FAM114A1: variants seen among roughly 807,000 people sequenced by gnomAD.
FAM114A1 encodes protein NOXP20.
Under a neutral mutation model 64.3 loss-of-function variants are expected in FAM114A1, and 62 were observed. That is an observed-to-expected ratio of 0.96 (90% CI 0.79 to 1.19). The LOEUF is 1.19. FAM114A1 is among the 50% of genes most tolerant of loss of function. The pLI is 0.00. For synonymous variants in FAM114A1, 254 were observed against 251.1 expected, an observed-to-expected ratio of 1.01 and a Z score of -0.11; for missense variants, 645 against 676.3, an observed-to-expected ratio of 0.95 and a Z score of 0.51.
intron 7 of FAM114A1, among the ~76,000 whole-genome samples, chr4:38,914,154 A>G (rs1718818927): frequency 1.3e-5 from 2 of 152,118 alleles, no homozygotes; most frequent in Admixed American, 6.6e-5. Flanking sequence ...AGGCCAGCTT[A>G]TTTCTGCTTT....
At chr4:38,888,695 G>C (rs888062536) in intron 3 of FAM114A1, among the ~76,000 whole-genome samples, 1 of 152,206 alleles carries the variant, frequency 6.6e-6, no homozygotes, top group Admixed American at 6.5e-5. Flanking sequence ...AGCTGAGAGA[G>C]TTCTCATCTG....
chr4:38,910,685 G>A (rs1404405370), intron 7 of FAM114A1, among the ~76,000 whole-genome samples: 1 of 152,198 alleles, frequency 6.6e-6, no homozygotes, highest in African/African-American at 2.4e-5. Context: ...ATCCTTGAAG[G>A]AGATGAGAGC....
intron 4 of FAM114A1, among the ~76,000 whole-genome samples, chr4:38,901,287 GT>G (rs796954819): frequency 0.016 from 2,394 of 147,076 alleles, 80 homozygotes; most frequent in African/African-American, 0.055. Flanking sequence ...ATATTCTCTT[GT>G]TTTTTTTTTG....
chr4:38,932,214 G>A, intron 11 of FAM114A1, 21 bp from the exon 12 acceptor site: 1 of 1,574,792 alleles, frequency 6.4e-7, no homozygotes, highest in South Asian at 1.2e-5. Flanking sequence ...AAAATTTCTT[G>A]CTTGTGTCTA....
intron 8 of FAM114A1, among the ~76,000 whole-genome samples, chr4:38,920,213 A>G (rs1397737433): frequency 6.6e-6 from 1 of 152,134 alleles, no homozygotes; most frequent in Non-Finnish European, 1.5e-5. Flanking sequence ...CTCAAAAAAA[A>G]AAAAGAACAG....
At chr4:38,868,886 A>C (rs1713738759) in intron 2 of FAM114A1, among the ~76,000 whole-genome samples, 1 of 152,220 alleles carries the variant, frequency 6.6e-6, no homozygotes, top group Non-Finnish European at 1.5e-5. Context: ...AGCTTGGGAA[A>C]GAATCTGATA....
chr4:38,931,335 C>G, intron 10 of FAM114A1, 116 bp from the exon 11 acceptor site: 1 of 1,252,164 alleles, frequency 8.0e-7, no homozygotes, highest in Non-Finnish European at 1.1e-6. Flanking sequence ...ATCCTCCAAA[C>G]ATACAGAGAT....
intron 4 of FAM114A1, among the ~76,000 whole-genome samples, chr4:38,895,750 C>T (rs1716870009): frequency 6.6e-6 from 1 of 152,190 alleles, no homozygotes; most frequent in South Asian, 2.1e-4. Flanking sequence ...CACAGCTAGG[C>T]TATGTGGTAA....
intron 8 of FAM114A1, among the ~76,000 whole-genome samples, chr4:38,921,549 ACCATG>A (rs1719592414): frequency 6.6e-6 from 1 of 152,234 alleles, no homozygotes; most frequent in Non-Finnish European, 1.5e-5. Flanking sequence ...GGGGTGAACC[ACCATG>A]CCTGGCCTGT....
intron 8 of FAM114A1, among the ~76,000 whole-genome samples, chr4:38,916,257 G>A (rs1719040518): frequency 6.6e-6 from 1 of 152,162 alleles, no homozygotes; most frequent in African/African-American, 2.4e-5. Context: ...AGCCTTCAGG[G>A]AAAGTCTTGT....
intron 3 of FAM114A1, among the ~76,000 whole-genome samples, chr4:38,888,472 A>G (rs925226972): frequency 1.3e-5 from 2 of 152,146 alleles, no homozygotes; most frequent in South Asian, 4.1e-4. Context: ...GTAGTGAGCT[A>G]TTATCATACC....
At chr4:38,879,773 C>T (rs1489625773) in intron 3 of FAM114A1, among the ~76,000 whole-genome samples, 1 of 152,148 alleles carries the variant, frequency 6.6e-6, no homozygotes, top group African/African-American at 2.4e-5. Context: ...CCCTTTGAAG[C>T]CATCCATAGA....
intron 2 of FAM114A1, among the ~76,000 whole-genome samples, chr4:38,872,497 TAAG>T (rs1714181972): frequency 6.6e-6 from 1 of 152,184 alleles, no homozygotes; most frequent in Non-Finnish European, 1.5e-5. Context: ...AGATTAATAA[TAAG>T]GATTTTCAAA....
intron 2 of FAM114A1, among the ~76,000 whole-genome samples, chr4:38,870,306 A>G (rs923492153): frequency 6.6e-6 from 1 of 152,076 alleles, no homozygotes; most frequent in Admixed American, 6.6e-5. Flanking sequence ...CATCAAAGAC[A>G]CTTTCAAGAT....
chr4:38,919,806 C>T (rs908794566), intron 8 of FAM114A1, among the ~76,000 whole-genome samples: 1 of 152,204 alleles, frequency 6.6e-6, no homozygotes, highest in African/African-American at 2.4e-5. Context: ...GGCTGAAACT[C>T]AGACCCCATC....
Position 38,905,863 on chromosome 4 carries a change from T to G in FAM114A1, c.657+2T>G. 6.2e-7 allele frequency: 1 copy of G among 1,608,378 alleles called. No homozygotes were observed. The highest frequency in any genetic ancestry group is 8.5e-7 in the Non-Finnish European group (1 of 1,178,384). ...ATCACCAATGTGGTTCAAAACACAG[T>G]GAGTCGCTGGCTGCTTCCTCTCTTT... is the stretch of plus-strand genomic sequence containing the variant. On this transcript the variant is annotated splice_donor_variant, in intron 6 of 14. Transcript: ENST00000358869. LOFTEE classifies it high-confidence loss of function.
chr4:38,902,275 T>C (rs1427104088), intron 4 of FAM114A1, among the ~76,000 whole-genome samples: 1 of 152,232 alleles, frequency 6.6e-6, no homozygotes, highest in Non-Finnish European at 1.5e-5. Context: ...GATAATGTAC[T>C]GTACTAAAAG....
At chr4:38,873,156 T>C (rs1026862136) in intron 2 of FAM114A1, among the ~76,000 whole-genome samples, 32 of 152,208 alleles carry the variant, frequency 2.1e-4, no homozygotes, top group African/African-American at 7.7e-4. Flanking sequence ...CAACCTTGAA[T>C]ATCCTAAACT....
chr4:38,931,379 G>A, intron 10 of FAM114A1, 72 bp from the exon 11 acceptor site: 1 of 1,510,320 alleles, frequency 6.6e-7, no homozygotes, highest in South Asian at 1.4e-5. Context: ...CTTGATTCTA[G>A]TCTTGGGGTT....
Sources: allele counts gnomAD v4.1 joint callset (sites outside exome capture counted in the v4.1 genomes callset), GRCh38; gene constraint gnomAD v4.1.1; transcripts MANE v1.5; gene names NCBI Gene and HGNC (gene_info 2026-07-23, HGNC 2026-07-21).